CHD8: variants seen among roughly 807,000 people sequenced by gnomAD.
CHD8 encodes ATP-dependent chromatin remodeler CHD8.
Under a neutral mutation model 279.2 loss-of-function variants are expected in CHD8, and 31 were observed. That is an observed-to-expected ratio of 0.11 (90% confidence interval 0.08 to 0.15). The LOEUF is 0.15. Among genes scored for constraint, CHD8 ranks in the 10% least tolerant of loss-of-function variants. CHD8 has a pLI of 1.00. For missense variants in CHD8, 2,146 were observed against 3,230.5 expected, an observed-to-expected ratio of 0.66 and a Z score of 8.14; for synonymous variants, 1,081 against 1,139.6, an observed-to-expected ratio of 0.95 and a Z score of 1.04.
chr14:21,396,882 T>G (rs1224633992), intron 27 of CHD8: 1 of 153,932 alleles, frequency 6.5e-6, no homozygotes, highest in African/African-American at 2.4e-5. Flanking sequence ...GCCTAGTATT[T>G]AATTTCGTGT....
intron 5 of CHD8, among the ~76,000 whole-genome samples, chr14:21,422,901 C>T (rs976622916): frequency 1.3e-5 from 2 of 152,102 alleles, no homozygotes; most frequent in African/African-American, 4.8e-5. Flanking sequence ...CGCACCCCAG[C>T]CTGGGAAACA....
At chr14:21,430,356 A>G (rs61973186) in intron 2 of CHD8, 4,152 of 160,448 alleles carry the variant, frequency 0.026, 66 homozygotes, top group African/African-American at 0.038. Flanking sequence ...GAGGGGGACA[A>G]TCTTAGTAAT....
rs2139499620 is a variant in CHD8, at chr14:21,415,722, T to C, written c.1899+3A>G. 6.2e-7 allele frequency: 1 copy of C among 1,613,784 alleles called. No individual in the cohort carries two copies. The highest frequency in any genetic ancestry group is 8.5e-7 in the Non-Finnish European group (1 of 1,179,800). On this transcript the variant is annotated splice_donor_region_variant and intron_variant, in intron 6 of 37. Coordinates refer to ENST00000646647, the MANE Select transcript of CHD8 (RefSeq NM_001170629.2). ...TCTGAAATCATTTGAGTTTACAGCT[T>C]ACCACAAAGAACTGCATGGAAGGCA...
chr14:21,425,933 T>C, intron 5 of CHD8, 195 bp downstream of exon 5: 2 of 553,090 alleles, frequency 3.6e-6, no homozygotes, highest in Admixed American at 6.9e-5. Flanking sequence ...CAAGACTCTG[T>C]CTCAAGAAGA....
Position 21,402,414 on chromosome 14 carries a change from A to C in CHD8, c.3804T>G (p.Phe1268Leu), listed in dbSNP as rs1164278089. 1.2e-6 allele frequency: 2 copies of C among 1,614,174 alleles called. No individual in the cohort carries two copies. Among genetic ancestry groups the C allele is most frequent in the Admixed American group, 1.7e-5 (1 of 60,014 alleles). Residue 1268 changes from phenylalanine to leucine, a missense_variant, in exon 19 of 38, where the codon TTT (phenylalanine) becomes TTG (leucine). By Grantham distance (22) the Phe-to-Leu change is conservative (BLOSUM62 0). Around this residue, in one of 26 missense-constraint regions of CHD8, gnomAD observed 35 missense variants for 82.4 expected, o/e 0.42. Transcript: ENST00000646647. The surrounding 1 kb of genome is among the most constrained non-coding windows in gnomAD (Gnocchi z 4.5). ...ACCCCAACTTGAGGCTGGCCTTATC[A>C]AACATCTCTCTCTCGTAGGAATTAC... ...ITRNSYEREM[F>L]DKASLKLGLD...
At chr14:21,437,157 T>A in intron 1 of CHD8, 1 of 1,082,176 alleles carries the variant, frequency 9.2e-7, no homozygotes, top group South Asian at 1.5e-5. Flanking sequence ...GAAAACGAGC[T>A]GTGCCTCACC....
rs746652962 is a variant in CHD8, at chr14:21,400,241, A to G, written c.4637T>C (p.Ile1546Thr). The part of the protein sequence containing the change: ...KKVKSQSTFD[I>T]HKADWIRKYN... Reference sequence around the variant, plus strand: ...TTTCCGGATCCAATCTGCCTTATGGATATCAAAAGTGCTTTGTGACTTTAC... The same window carrying G: ...TTTCCGGATCCAATCTGCCTTATGGGTATCAAAAGTGCTTTGTGACTTTAC... The change falls in exon 24 of 38, where the codon ATC (isoleucine) becomes ACC (threonine). Residue 1546 changes from isoleucine (I) to threonine (T), a missense_variant. Physicochemically the swap from Ile to Thr is moderately conservative, Grantham distance 89 (BLOSUM62 -1). Coordinates refer to ENST00000646647, the MANE Select transcript of CHD8 (RefSeq NM_001170629.2). This position sits in a 1 kb window ranked among gnomAD's most constrained non-coding sequence, Gnocchi z 4.2. 6.2e-7 allele frequency: 1 copy of G among 1,613,812 alleles called. No individual in the cohort carries two copies.
At chr14:21,401,623 TG>T (rs1189453439) in intron 20 of CHD8, 110 bp from the exon 21 acceptor site, 2 of 699,566 alleles carry the variant, frequency 2.9e-6, no homozygotes, top group African/African-American at 3.6e-5. Context: ...CTTGCTCTGT[TG>T]CCCAGGCTGG....
At chr14:21,417,867 T>TATATATATATATA (rs1888810100) in intron 5 of CHD8, among the ~76,000 whole-genome samples, 1 of 122,812 alleles carries the variant, frequency 8.1e-6, no homozygotes, top group East Asian at 2.1e-4. Context: ...AAAAAAAAAA[T>TATATATATATATA]ATATATATAT....
chr14:21,413,306 A>G (rs144563393), intron 9 of CHD8, among the ~76,000 whole-genome samples: 54 of 151,794 alleles, frequency 3.6e-4, no homozygotes, highest in African/African-American at 1.2e-3. Flanking sequence ...AAATACACGT[A>G]TATGTTCCAC....
intron 1 of CHD8, among the ~76,000 whole-genome samples, chr14:21,451,562 ACT>A (rs1295516389): frequency 8.1e-6 from 1 of 123,766 alleles, no homozygotes; most frequent in Non-Finnish European, 1.6e-5. Context: ...ACAGAGTGAG[ACT>A]CTGTCTCAAA....
At chr14:21,411,774 A>G (rs1016471815) in intron 10 of CHD8, among the ~76,000 whole-genome samples, 1 of 152,202 alleles carries the variant, frequency 6.6e-6, no homozygotes, top group South Asian at 2.1e-4. Context: ...TTGAAAATGA[A>G]AAAGGTGCCA....
At chr14:21,415,144 A>G (rs1566432978) in intron 7 of CHD8, 151 bp from the exon 8 acceptor site, 1 of 613,778 alleles carries the variant, frequency 1.6e-6, no homozygotes, top group East Asian at 2.8e-5. Flanking sequence ...TACTTCAATA[A>G]TAGAGGCCTG....
rs538511699 is a variant in CHD8, at chr14:21,402,207, C to T, written c.3883-71G>A. 49 of 1,447,252 alleles carry T rather than the reference C, an allele frequency of 3.4e-5. 1 individual carries two copies. In the Admixed American group the frequency reaches 8.2e-4, roughly 24 times the overall value. The allele number at this position is 1,447,252 out of a possible 1,614,324, so 89.7% of individuals were successfully genotyped here. A position where few individuals can be genotyped will look rare whatever the true frequency, so the allele number is the denominator to read the frequency against. ...ATCTAACCATGCCATAATATTTTAG[C>T]TATTATATTTTAAGAAATAATAATT... On this transcript the variant is annotated intron_variant, in intron 19 of 37. Coordinates refer to ENST00000646647, the MANE Select transcript of CHD8 (RefSeq NM_001170629.2). This position sits in a 1 kb window ranked among gnomAD's most constrained non-coding sequence, Gnocchi z 4.5.
Position 21,408,208 on chromosome 14 carries a change from G to A in CHD8, c.2730+104C>T. The A allele has an allele frequency of 7.2e-7, 1 of 1,386,000 alleles. No homozygotes were observed. Among genetic ancestry groups the A allele is most frequent in the African/African-American group, 1.4e-5 (1 of 69,790 alleles). 85.9% of individuals were successfully genotyped at this position (1,386,000 alleles called of 1,614,324 possible). The stretch of plus-strand genomic sequence containing the variant: ...ATAGGCATTTTTGCATAGGCATATT[G>A]AAGACTTTCAATAAAAGTCTTCTAT... On this transcript the variant is annotated intron_variant, in intron 13 of 37. Transcript: ENST00000646647. The surrounding 1 kb of genome is among the most constrained non-coding windows in gnomAD (Gnocchi z 4.3).
intron 5 of CHD8, among the ~76,000 whole-genome samples, chr14:21,421,304 A>G (rs1889034640): frequency 6.6e-6 from 1 of 152,006 alleles, no homozygotes; most frequent in Admixed American, 6.6e-5. Context: ...AAGAGATACT[A>G]CATACACCTT....
rs1555318589 is a variant in CHD8, at chr14:21,431,034, T to G, written c.610A>C (p.Lys204Gln). The change falls in exon 2 of 38, where the codon AAA (lysine) becomes CAA (glutamine). Residue 204 changes from lysine to glutamine, a missense_variant. Around this residue, in one of 26 missense-constraint regions of CHD8, gnomAD observed 302 missense variants for 325.5 expected, o/e 0.93. Coordinates refer to ENST00000646647, the MANE Select transcript of CHD8 (RefSeq NM_001170629.2). Reference protein sequence around the residue: ...TANGGKVTFTKVLTGTPLRPG... With the variant: ...TANGGKVTFTQVLTGTPLRPG... The stretch of plus-strand genomic sequence containing the variant: ...CGAAGGGGTGTGCCGGTTAGCACTT[T>G]GGTAAAAGTGACTTTTCCACCATTG... 1.3e-6 allele frequency: 2 copies of G among 1,599,300 alleles called. No individual in the cohort carries two copies. Among genetic ancestry groups the G allele is most frequent in the Admixed American group, 3.3e-5 (2 of 59,974 alleles).
intron 1 of CHD8, among the ~76,000 whole-genome samples, chr14:21,454,503 G>C (rs1207019913): frequency 6.6e-6 from 1 of 151,844 alleles, no homozygotes; most frequent in Non-Finnish European, 1.5e-5. Flanking sequence ...TGTATTTTTT[G>C]TACTTTTAGA....
chr14:21,412,591 T>C (rs1452725551), intron 10 of CHD8, among the ~76,000 whole-genome samples: 4 of 152,094 alleles, frequency 2.6e-5, no homozygotes, highest in Admixed American at 6.6e-5. Context: ...ATTTGTGAAG[T>C]ATCCCTTTCC....
Sources: gnomAD v4.1 joint callset for allele counts (sites outside exome capture counted in the v4.1 genomes callset) on GRCh38, gnomAD v4.1.1 for gene constraint, gnomAD v4.1.1 regional missense constraint, Gnocchi (gnomAD v3.1) non-coding constraint, MANE v1.5 for transcripts, NCBI Gene and HGNC (gene_info 2026-07-23, HGNC 2026-07-21) for gene names.